Variants in NR3C2 observed in about 807,000 individuals in gnomAD.
The protein encoded by NR3C2 is nuclear receptor subfamily 3 group C member 2.
NR3C2 carries 15 observed loss-of-function variants against 86.4 expected under a neutral mutation model. The observed-to-expected ratio is 0.17, with a 90% CI of 0.12 to 0.27. The LOEUF is 0.27. Ranked by LOEUF, NR3C2 falls within the 10% of genes least tolerant of loss-of-function variation. The pLI, the probability that NR3C2 is intolerant of heterozygous loss-of-function variation, is 1.00. For missense variants in NR3C2, 960 were observed against 1,195.6 expected, an observed-to-expected ratio of 0.80 and a Z score of 2.91; for synonymous variants, 458 against 450.5, an observed-to-expected ratio of 1.02 and a Z score of -0.21.
intron 7 of NR3C2, among the ~76,000 whole-genome samples, chr4:148,119,734 C>G (rs961283527): frequency 3.4e-5 from 5 of 146,922 alleles, no homozygotes; most frequent in African/African-American, 1.3e-4. Flanking sequence ...TGCAGTGAGC[C>G]AAGATCATGC....
At chr4:148,241,937 C>T (rs1158405920) in intron 3 of NR3C2, among the ~76,000 whole-genome samples, 1 of 151,924 alleles carries the variant, frequency 6.6e-6, no homozygotes, top group African/African-American at 2.4e-5. Flanking sequence ...CTAAATAAGC[C>T]AGTCAAAAAA....
Position 148,436,072 on chromosome 4 carries a change from A to G in NR3C2, c.789T>C (p.Ser263=), listed in dbSNP as rs1750049169. 6.2e-7 allele frequency: 1 copy of G among 1,613,952 alleles called. No homozygotes were observed. Among genetic ancestry groups the G allele is most frequent in the Non-Finnish European group, 8.5e-7 (1 of 1,180,014 alleles). ...TTGAGGATTTCATGCTACTTAACGG[A>G]CTTGAGAGAGGAGAGCCCACATTGC... The part of the protein sequence containing the change: ...HASNVGSPLS[S]PLSSMKSSIS... Residue 263 remains serine (S), a synonymous_variant, in exon 2 of 9, where the codon AGT becomes AGC. Transcript: ENST00000358102.
chr4:148,367,313 C>T (rs1746195118), intron 2 of NR3C2, among the ~76,000 whole-genome samples: 1 of 152,110 alleles, frequency 6.6e-6, no homozygotes, highest in Non-Finnish European at 1.5e-5. Context: ...TATACATATA[C>T]TTTTGGCATA....
Position 148,333,649 on chromosome 4 carries a change from TGA to T in NR3C2, c.1758-73534_1758-73533del, listed in dbSNP as rs1239959897. On this transcript the variant is annotated intron_variant, in intron 2 of 8. Transcript: ENST00000358102. ...CAGTCACCTCCTAGGTTCTTCTACATGAGAGACACATTTTTTTTGTATCTATA... is the reference window on the plus strand; with the variant it reads ...CAGTCACCTCCTAGGTTCTTCTACATGAGACACATTTTTTTTGTATCTATA... Among the ~76,000 whole-genome samples the T allele has an allele frequency of 2.0e-4, 30 of 149,588 alleles. No individual in the cohort carries two copies. The East Asian group carries it at 5.5e-3, about 28-fold the overall frequency.
Position 148,081,128 on chromosome 4 carries a change from T to G in NR3C2, c.*216A>C. ...GAACATGTTTCTAAGCGCTGGGGGA[T>G]TGGAGGTGGGGAATCCTTCAGACTG... On this transcript the variant is annotated 3_prime_UTR_variant, in exon 9 of 9. Coordinates refer to ENST00000358102, the MANE Select transcript of NR3C2 (RefSeq NM_000901.5). 1.7e-6 allele frequency: 1 copy of G among 594,820 alleles called. No individual in the cohort carries two copies. The highest frequency in any genetic ancestry group is 3.0e-6 in the Non-Finnish European group (1 of 328,166). 36.8% of individuals were successfully genotyped at this position (594,820 alleles called of 1,614,324 possible). A position where few individuals can be genotyped will look rare whatever the true frequency, so the allele number is the denominator to read the frequency against.
intron 8 of NR3C2, among the ~76,000 whole-genome samples, chr4:148,104,769 T>C (rs549664260): frequency 6.6e-6 from 1 of 152,286 alleles, no homozygotes; most frequent in South Asian, 2.1e-4. Context: ...ACAAGATGGG[T>C]ATTATTACTG....
At chr4:148,109,510 C>T (rs1309188461) in intron 8 of NR3C2, among the ~76,000 whole-genome samples, 2 of 152,238 alleles carry the variant, frequency 1.3e-5, no homozygotes, top group African/African-American at 4.8e-5. Flanking sequence ...TACATGCTCT[C>T]AAGGGTCCCA....
At chr4:148,132,373 ATG>A (rs1733081229) in intron 6 of NR3C2, among the ~76,000 whole-genome samples, 1 of 152,216 alleles carries the variant, frequency 6.6e-6, no homozygotes, top group African/African-American at 2.4e-5. Context: ...TCTCTGAGAT[ATG>A]TGTCTAGACA....
chr4:148,087,362 C>A (rs1248530411), intron 8 of NR3C2, among the ~76,000 whole-genome samples: 1 of 152,214 alleles, frequency 6.6e-6, no homozygotes, highest in Non-Finnish European at 1.5e-5. Context: ...CACCAGCTAT[C>A]ATTGACTTTC....
At chr4:148,374,159 T>A (rs995108067) in intron 2 of NR3C2, among the ~76,000 whole-genome samples, 1 of 152,134 alleles carries the variant, frequency 6.6e-6, no homozygotes, top group Non-Finnish European at 1.5e-5. Flanking sequence ...TAGCCTATCA[T>A]AAAAGAAAAA....
chr4:148,231,204 A>T (rs957215034), intron 3 of NR3C2, among the ~76,000 whole-genome samples: 2 of 152,214 alleles, frequency 1.3e-5, no homozygotes, highest in Non-Finnish European at 2.9e-5. Flanking sequence ...TCTCTAATGC[A>T]TGTAAGGACC....
intron 2 of NR3C2, among the ~76,000 whole-genome samples, chr4:148,411,625 A>C (rs1748708377): frequency 6.6e-6 from 1 of 152,136 alleles, no homozygotes; most frequent in Middle Eastern, 3.2e-3. Flanking sequence ...CTTTCTTTTT[A>C]ATTCAACACA....
At chr4:148,277,979 G>A (rs1200319468) in intron 2 of NR3C2, among the ~76,000 whole-genome samples, 1 of 152,146 alleles carries the variant, frequency 6.6e-6, no homozygotes, top group Non-Finnish European at 1.5e-5. Flanking sequence ...TCTCCAAAAG[G>A]AGAATACATT....
chr4:148,122,332 C>G (rs1245738210), intron 6 of NR3C2, among the ~76,000 whole-genome samples: 2 of 152,052 alleles, frequency 1.3e-5, no homozygotes, highest in Non-Finnish European at 2.9e-5. Flanking sequence ...TTTTCTTTCT[C>G]TCTGCCTCTT....
At chr4:148,339,518 T>A (rs1191640912) in intron 2 of NR3C2, among the ~76,000 whole-genome samples, 2 of 152,192 alleles carry the variant, frequency 1.3e-5, no homozygotes, top group African/African-American at 4.8e-5. Flanking sequence ...ATTTGGTAAT[T>A]ATAAAACATT....
At chr4:148,153,082 G>T (rs1734178727) in intron 5 of NR3C2, among the ~76,000 whole-genome samples, 1 of 152,148 alleles carries the variant, frequency 6.6e-6, no homozygotes, top group Non-Finnish European at 1.5e-5. Context: ...GCCTCCTATG[G>T]TCCAGGTTAA....
intron 3 of NR3C2, among the ~76,000 whole-genome samples, chr4:148,213,391 G>A (rs1326044438): frequency 6.6e-6 from 1 of 152,176 alleles, no homozygotes; most frequent in Non-Finnish European, 1.5e-5. Context: ...TCTAAGGAAT[G>A]TCAAACAAAA....
intron 3 of NR3C2, among the ~76,000 whole-genome samples, chr4:148,234,891 T>C (rs1048613935): frequency 2.6e-5 from 4 of 152,136 alleles, no homozygotes; most frequent in Non-Finnish European, 5.9e-5. Context: ...TCATGGGGGT[T>C]TGGTGTACAG....
intron 4 of NR3C2, among the ~76,000 whole-genome samples, chr4:148,160,124 C>T (rs1734590885): frequency 6.6e-6 from 1 of 151,986 alleles, no homozygotes; most frequent in African/African-American, 2.4e-5. Flanking sequence ...TAGTTGCTGC[C>T]CTCAGGTGCC....
Sources: allele counts gnomAD v4.1 joint callset (sites outside exome capture counted in the v4.1 genomes callset), GRCh38; gene constraint gnomAD v4.1.1; transcripts MANE v1.5; gene names NCBI Gene and HGNC (gene_info 2026-07-23, HGNC 2026-07-21).